Variants in ADPRHL1 observed in about 807,000 individuals in gnomAD.
The protein encoded by ADPRHL1 is ADP-ribosylhydrolase like 1.
Under a neutral mutation model 44.1 loss-of-function variants are expected in ADPRHL1, and 43 were observed. That is an observed-to-expected ratio of 0.98 (90% CI 0.76 to 1.26). The LOEUF is 1.26. ADPRHL1 is among the 50% of genes most tolerant of loss of function. The pLI is 0.00. For missense variants in ADPRHL1, 2,022 were observed against 2,496.9 expected, an observed-to-expected ratio of 0.81 and a Z score of 4.05; for synonymous variants, 878 against 1,017.4, an observed-to-expected ratio of 0.86 and a Z score of 2.61.
chr13:113,451,581 G>A (rs2044179418), intron 1 of ADPRHL1, among the ~76,000 whole-genome samples: 1 of 152,180 alleles, frequency 6.6e-6, no homozygotes, highest in African/African-American at 2.4e-5. Flanking sequence ...GCTGAGGTGG[G>A]TGGATCACTT....
rs1226115131 is a variant in ADPRHL1 at position 113,403,480 on chromosome 13, C to G, written c.5802G>C (p.Leu1934=). Residue 1934 remains leucine, a synonymous_variant, in exon 8 of 8, where the codon CTG becomes CTC. Coordinates refer to ENST00000612156, the MANE Select transcript of ADPRHL1 (RefSeq NM_001394807.1). ...GGAAGCTCTGGGCTTTGTACTTGGC[C>G]AGGTGCCTGGACCTCCCGCGACGCT... The part of the protein sequence containing the change: ...EPERRGRSRH[L]AKYKAQSFRD... 1 of 1,231,990 alleles carries G rather than the reference C, an allele frequency of 8.1e-7. No homozygotes were observed. The highest frequency in any genetic ancestry group is 1.0e-6 in the Non-Finnish European group (1 of 988,042). The allele number at this position is 1,231,990 out of a possible 1,614,324, so 76.3% of individuals were successfully genotyped here. A position where few individuals can be genotyped will look rare whatever the true frequency, so the allele number is the denominator to read the frequency against.
intron 7 of ADPRHL1, among the ~76,000 whole-genome samples, chr13:113,420,744 A>C (rs1354968435): frequency 6.6e-6 from 1 of 152,010 alleles, no homozygotes; most frequent in African/African-American, 2.4e-5. Context: ...GCAGCATAGA[A>C]GGCCACGGAT....
chr13:113,405,222 G>A lies in ADPRHL1; in HGVS notation c.4060C>T (p.Arg1354Trp), dbSNP rs1228079543. 6 of 1,231,782 alleles carry A rather than the reference G, an allele frequency of 4.9e-6. No homozygotes were observed. The African/African-American group carries it at 6.2e-5, about 13-fold the overall frequency. 76.3% of individuals were successfully genotyped at this position (1,231,782 alleles called of 1,614,324 possible). A position where few individuals can be genotyped will look rare whatever the true frequency, so the allele number is the denominator to read the frequency against. Residue 1354 changes from arginine to tryptophan, a missense_variant, in exon 8 of 8, where the codon CGG becomes TGG. Arg to Trp is a moderately radical substitution (Grantham distance 101). Around this residue, in one of 8 missense-constraint regions of ADPRHL1, gnomAD observed 1,221 missense variants for 1,517.8 expected, o/e 0.80. Transcript: ENST00000612156. ...PTAGDTQAKL[R>W]ASVPEPRTQA... ...GTCCTAGGCTCGGGGACACTGGCCCGGAGCTTTGCCTGTGTGTCACCAGCA... is the reference window on the plus strand; with the variant it reads ...GTCCTAGGCTCGGGGACACTGGCCCAGAGCTTTGCCTGTGTGTCACCAGCA...
intron 2 of ADPRHL1, among the ~76,000 whole-genome samples, chr13:113,442,888 T>G (rs983330848): frequency 2.6e-5 from 4 of 152,200 alleles, no homozygotes; most frequent in Non-Finnish European, 5.9e-5. Context: ...TTCTTTCTCT[T>G]TGTGTGTCTC....
rs34085933 is a variant in ADPRHL1 at position 113,453,317 on chromosome 13, C to G, written c.121G>C (p.Gly41Arg). 520 of 1,614,180 alleles carry G rather than the reference C, an allele frequency of 3.2e-4. 2 individuals are homozygous for G. In the African/African-American group the frequency reaches 5.6e-3, roughly 17 times the overall value. The change falls in exon 1 of 8, where the codon GGG becomes CGG. Residue 41 changes from glycine (G) to arginine (R), a missense_variant. By Grantham distance (125) the Gly-to-Arg change is moderately radical (BLOSUM62 -2). Around this residue, in one of 8 missense-constraint regions of ADPRHL1, gnomAD observed 437 missense variants for 430.7 expected, o/e 1.01. Coordinates refer to ENST00000612156, the MANE Select transcript of ADPRHL1 (RefSeq NM_001394807.1). This position sits in a 1 kb window ranked among gnomAD's most constrained non-coding sequence, Gnocchi z 5.4. ...MKIQEELQRSGGLDHLVLSPG... is the reference protein window; with the variant it reads ...MKIQEELQRSRGLDHLVLSPG... Reference sequence around the variant, plus strand: ...GAGAGTACGAGGTGGTCCAGGCCCCCGGAACGTTGCAGCTCCTCCTGGATC... The same window carrying G: ...GAGAGTACGAGGTGGTCCAGGCCCCGGGAACGTTGCAGCTCCTCCTGGATC...
chr13:113,403,427 A>G lies in ADPRHL1; in HGVS notation c.5855T>C (p.Phe1952Ser). 1 of 1,232,066 alleles carries G rather than the reference A, an allele frequency of 8.1e-7. No individual in the cohort carries two copies. The highest frequency in any genetic ancestry group is 1.0e-6 in the Non-Finnish European group (1 of 987,986). The allele number at this position is 1,232,066 out of a possible 1,614,324, so 76.3% of individuals were successfully genotyped here. ...FRDQRAFDLS[F>S]RPMSVRASDT... ...GCTGGCCCTGACGCTCATTGGTCTG[A>G]AGGACAAATCGAAGGCCCTCTGGTC... Residue 1952 changes from phenylalanine (F) to serine (S), a missense_variant, in exon 8 of 8, where the codon TTC becomes TCC. Physicochemically the swap from Phe to Ser is radical, Grantham distance 155 (BLOSUM62 -2). Transcript: ENST00000612156.
At chr13:113,445,977 CAGGATCCTGAGGCT>C in intron 1 of ADPRHL1, among the ~76,000 whole-genome samples, 1 of 151,290 alleles carries the variant, frequency 6.6e-6, no homozygotes, top group African/African-American at 2.4e-5. Flanking sequence ...AGAGAGTGCA[CAGGATCCTGAGGCT>C]GCACACCCCC....
chr13:113,410,922 C>T (rs1566466705), intron 7 of ADPRHL1, among the ~76,000 whole-genome samples: 4 of 152,238 alleles, frequency 2.6e-5, no homozygotes, highest in South Asian at 2.1e-4. Flanking sequence ...TGGAGGGCTG[C>T]GCTCCCTTCA....
intron 2 of ADPRHL1, among the ~76,000 whole-genome samples, chr13:113,440,700 C>A (rs2044090962): frequency 6.6e-6 from 1 of 152,122 alleles, no homozygotes. Context: ...GATGATCCAC[C>A]CGCCTTGGCC....
rs978755570 is a variant in ADPRHL1 at position 113,412,777 on chromosome 13, C to T, written c.1062-4557G>A. On this transcript the variant is annotated intron_variant, in intron 7 of 7. Transcript: ENST00000612156. ...CGGTTCACCCACCGCCAACAGCGCCCCGCAGAACTCGGTTCACCCACCGCC... is the reference window on the plus strand; with the variant it reads ...CGGTTCACCCACCGCCAACAGCGCCTCGCAGAACTCGGTTCACCCACCGCC... Among the ~76,000 whole-genome samples the T allele has an allele frequency of 8.3e-4, 86 of 103,270 alleles. 1 individual carries two copies. Among genetic ancestry groups the T allele is most frequent in the African/African-American group, 2.9e-3 (82 of 28,708 alleles). 67.7% of individuals were successfully genotyped at this position (103,270 alleles called of 152,430 possible). A position where few individuals can be genotyped will look rare whatever the true frequency, so the allele number is the denominator to read the frequency against.
intron 2 of ADPRHL1, among the ~76,000 whole-genome samples, chr13:113,436,356 CCCAGCACCCAGG>C (rs1394588029): frequency 1.6e-5 from 2 of 123,630 alleles, no homozygotes; most frequent in East Asian, 5.0e-4. Context: ...TACCCCGGGA[CCCAGCACCCAGG>C]TGTAGGGTGA....
intron 5 of ADPRHL1, among the ~76,000 whole-genome samples, chr13:113,424,743 CG>C: frequency 3.9e-4 from 1 of 2,570 alleles, no homozygotes; most frequent in African/African-American, 1.6e-3. Flanking sequence ...CATTCACCCA[CG>C]CTTCTACCTA....
At position 113,453,293 on chromosome 13, in the gene ADPRHL1, A is replaced by G. The variant is rs781237593; in HGVS notation, c.145T>C (p.Ser49Pro). The G allele has an allele frequency of 2.5e-6, 4 of 1,614,138 alleles. No homozygotes were observed. The South Asian group carries it at 3.3e-5, about 13-fold the overall frequency. Residue 49 changes from serine to proline, a missense_variant, in exon 1 of 8, where the codon TCG (serine) becomes CCG (proline). Coordinates refer to ENST00000612156, the MANE Select transcript of ADPRHL1 (RefSeq NM_001394807.1). This position sits in a 1 kb window ranked among gnomAD's most constrained non-coding sequence, Gnocchi z 5.4. ...TCACTCACGGGCCATTCTCCTGGCG[A>G]GAGTACGAGGTGGTCCAGGCCCCCG... ...RSGGLDHLVL[S>P]PGEWPVSDNT...
chr13:113,431,151 C>T (rs942915970), intron 3 of ADPRHL1, among the ~76,000 whole-genome samples: 5 of 152,186 alleles, frequency 3.3e-5, no homozygotes, highest in East Asian at 1.9e-4. Context: ...GCAGGCTCTG[C>T]GGTGGGTGCC....
intron 4 of ADPRHL1, among the ~76,000 whole-genome samples, chr13:113,428,293 A>G (rs2139625057): frequency 6.6e-6 from 1 of 152,230 alleles, no homozygotes; most frequent in Non-Finnish European, 1.5e-5. Flanking sequence ...TGTTTTGAAA[A>G]ATAAGCAAAC....
intron 7 of ADPRHL1, among the ~76,000 whole-genome samples, chr13:113,412,277 A>C (rs2043857554): frequency 6.6e-6 from 1 of 152,066 alleles, no homozygotes; most frequent in African/African-American, 2.4e-5. Flanking sequence ...TCCCAGGTTC[A>C]CAGCATTCTC....
chr13:113,405,861 C>G lies in ADPRHL1; in HGVS notation c.3421G>C (p.Ala1141Pro). 1 of 1,231,952 alleles carries G rather than the reference C, an allele frequency of 8.1e-7. No individual in the cohort carries two copies. The allele number at this position is 1,231,952 out of a possible 1,614,324, so 76.3% of individuals were successfully genotyped here. Residue 1141 changes from alanine (A) to proline (P), a missense_variant, in exon 8 of 8, where the codon GCG (alanine) becomes CCG (proline). Physicochemically the swap from Ala to Pro is conservative, Grantham distance 27. This residue lies in a region of ADPRHL1 where 1,221 missense variants were observed against 1,517.8 expected (regional missense o/e 0.80). Coordinates refer to ENST00000612156, the MANE Select transcript of ADPRHL1 (RefSeq NM_001394807.1). ...GSTQSPGDRT[A>P]GEPETLGQWG... ...TGGCCCAGCGTCTCTGGCTCTCCCG[C>G]TGTGCGGTCTCCAGGGCTCTGGGTG...
At chr13:113,420,607 C>T (rs1304204811) in intron 7 of ADPRHL1, among the ~76,000 whole-genome samples, 1 of 152,074 alleles carries the variant, frequency 6.6e-6, no homozygotes, top group East Asian at 1.9e-4. Context: ...GACCACACTC[C>T]ATGGACGTGT....
At chr13:113,410,126 C>G in intron 7 of ADPRHL1, 1 of 985,390 alleles carries the variant, frequency 1.0e-6, no homozygotes, top group Non-Finnish European at 1.2e-6. Flanking sequence ...CGCGATGACC[C>G]AGGGCCAGGA....
Sources: gnomAD v4.1 joint callset for allele counts (sites outside exome capture counted in the v4.1 genomes callset) on GRCh38, gnomAD v4.1.1 for gene constraint, gnomAD v4.1.1 regional missense constraint, Gnocchi (gnomAD v3.1) non-coding constraint, MANE v1.5 for transcripts, NCBI Gene and HGNC (gene_info 2026-07-23, HGNC 2026-07-21) for gene names.